The following IGF1R variants were observed in gnomAD, a reference collection of about 807,000 sequenced individuals.
IGF1R encodes insulin-like growth factor 1 receptor.
Under a neutral mutation model 144.6 loss-of-function variants are expected in IGF1R, and 44 were observed. That is an observed-to-expected ratio of 0.30 (90% CI 0.24 to 0.39). The LOEUF (loss-of-function observed/expected upper bound fraction) is 0.39, where lower values mean the gene tolerates loss of function less well. Ranked by LOEUF, IGF1R falls within the 10% of genes least tolerant of loss-of-function variation. IGF1R has a pLI of 1.00. For synonymous variants in IGF1R, 795 were observed against 722.8 expected (o/e 1.10, Z -1.60); for missense variants, 1,355 against 1,833.7 (o/e 0.74, Z 4.77).
At chr15:98,662,026 A>C (rs1181802431) in intron 1 of IGF1R, among the ~76,000 whole-genome samples, 4 of 137,100 alleles carry the variant, frequency 2.9e-5, no homozygotes, top group Non-Finnish European at 4.5e-5. Flanking sequence ...GCAGTGGTGC[A>C]ATCTCCGCTC....
At chr15:98,945,140 T>G (rs1030855138) in intron 19 of IGF1R, among the ~76,000 whole-genome samples, 1 of 152,268 alleles carries the variant, frequency 6.6e-6, no homozygotes. Context: ...GACGAAGGAC[T>G]GGGGAGCTGC....
At position 98,923,684 on chromosome 15, in the gene IGF1R, C is replaced by T. The variant is rs144412174; in HGVS notation, c.2486-192C>T. 1,302 of 599,370 alleles carry T rather than the reference C, an allele frequency of 2.2e-3. 6 individuals are homozygous for T. Among genetic ancestry groups the T allele is most frequent in the African/African-American group, 0.013 (695 of 51,532 alleles). The allele number at this position is 599,370 out of a possible 1,614,324, so 37.1% of individuals were successfully genotyped here. Reference sequence around the variant, plus strand: ...TGAACCCTCCGCTGTGTGAGCAGCCCGCTCAGGGGCAGTGTACGTGGCTGA... The same window carrying T: ...TGAACCCTCCGCTGTGTGAGCAGCCTGCTCAGGGGCAGTGTACGTGGCTGA... On this transcript the variant is annotated intron_variant, in intron 11 of 20. Coordinates refer to ENST00000650285, the MANE Select transcript of IGF1R (RefSeq NM_000875.5).
chr15:98,804,174 G>C (rs146890564), intron 2 of IGF1R, among the ~76,000 whole-genome samples: 93 of 152,308 alleles, frequency 6.1e-4, no homozygotes, highest in Non-Finnish European at 1.5e-4. Context: ...CAGTACACAT[G>C]TGTGGTCACT....
At chr15:98,713,327 C>G (rs2054039244) in intron 2 of IGF1R, among the ~76,000 whole-genome samples, 1 of 152,290 alleles carries the variant, frequency 6.6e-6, no homozygotes, top group Non-Finnish European at 1.5e-5. Flanking sequence ...ACATTTTCCC[C>G]TTGAGCAGAG....
intron 1 of IGF1R, among the ~76,000 whole-genome samples, chr15:98,697,155 C>A (rs2053614033): frequency 6.6e-6 from 1 of 152,060 alleles, no homozygotes; most frequent in Non-Finnish European, 1.5e-5. Context: ...CGTGATGGAC[C>A]CTCATAGTAA....
At chr15:98,950,447 G>C (rs2016729583) in intron 20 of IGF1R, among the ~76,000 whole-genome samples, 1 of 152,204 alleles carries the variant, frequency 6.6e-6, no homozygotes, top group Non-Finnish European at 1.5e-5. Context: ...CTGAGGCTCA[G>C]GGACATCTTC....
intron 17 of IGF1R, among the ~76,000 whole-genome samples, chr15:98,938,156 A>AC (rs1177429423): frequency 6.6e-6 from 1 of 152,226 alleles, no homozygotes; most frequent in African/African-American, 2.4e-5. Context: ...GCCACGCACC[A>AC]CTGGGCACTT....
rs531855891 is a variant in IGF1R at position 98,704,871 on chromosome 15, TGAG to T, written c.95-2689_95-2687del. 4.4e-3 allele frequency among the ~76,000 whole-genome samples: 677 copies of T among 152,212 alleles called. 6 individuals are homozygous for T. The highest frequency in any genetic ancestry group is 0.014 in the African/African-American group (577 of 41,524). ...CTCATAGGCTTGGGAGCGGAAGCCC[TGAG>T]GTCTGTTGCTGGACTAGATATGTGA... On this transcript the variant is annotated intron_variant, in intron 1 of 20. Transcript: ENST00000650285. This position sits in a 1 kb window ranked among gnomAD's most constrained non-coding sequence, Gnocchi z 4.9.
chr15:98,661,264 C>T (rs1046085182), intron 1 of IGF1R, among the ~76,000 whole-genome samples: 30 of 152,162 alleles, frequency 2.0e-4, no homozygotes, highest in African/African-American at 7.2e-4. Context: ...TCCAACCCTG[C>T]CGGTTTTGGT....
At chr15:98,942,165 A>G (rs1488130856) in intron 18 of IGF1R, among the ~76,000 whole-genome samples, 2 of 152,116 alleles carry the variant, frequency 1.3e-5, no homozygotes, top group Non-Finnish European at 2.9e-5. Context: ...AAGCAGTGAA[A>G]TTATTTACTT....
chr15:98,763,459 A>AT (rs111934203), intron 2 of IGF1R, among the ~76,000 whole-genome samples: 19,494 of 141,782 alleles, frequency 0.14, 1,544 homozygotes, highest in East Asian at 0.27. Context: ...GGGACTCCTG[A>AT]TTTTTTTTTT....
intron 1 of IGF1R, among the ~76,000 whole-genome samples, chr15:98,667,581 T>G (rs2052777017): frequency 6.6e-6 from 1 of 152,202 alleles, no homozygotes; most frequent in African/African-American, 2.4e-5. Flanking sequence ...TGGGGCTATT[T>G]TTTTCTGCTT....
intron 1 of IGF1R, among the ~76,000 whole-genome samples, chr15:98,652,758 CG>C (rs1836904480): frequency 6.6e-6 from 1 of 151,798 alleles, no homozygotes; most frequent in African/African-American, 2.4e-5. Flanking sequence ...GGGCTGGGGG[CG>C]GATGGAATGG....
chr15:98,773,449 G>A (rs11247372), intron 2 of IGF1R, among the ~76,000 whole-genome samples: 117,547 of 152,060 alleles, frequency 0.77, 46,346 homozygotes, highest in Admixed American at 0.85. Context: ...CAGACAAGGC[G>A]TTCTCAAGAA....
intron 5 of IGF1R, among the ~76,000 whole-genome samples, chr15:98,903,449 A>G (rs2014580856): frequency 6.6e-6 from 1 of 152,232 alleles, no homozygotes; most frequent in Non-Finnish European, 1.5e-5. Flanking sequence ...CTCAAAGGTC[A>G]GGCTGAAACA....
At chr15:98,877,817 C>T (rs1031260903) in intron 2 of IGF1R, among the ~76,000 whole-genome samples, 1 of 152,180 alleles carries the variant, frequency 6.6e-6, no homozygotes, top group Non-Finnish European at 1.5e-5. Flanking sequence ...TCCTGGTAAA[C>T]AGTTCTGCTG....
chr15:98,782,898 C>T (rs1174819504), intron 2 of IGF1R, among the ~76,000 whole-genome samples: 2 of 152,160 alleles, frequency 1.3e-5, no homozygotes, highest in African/African-American at 4.8e-5. Flanking sequence ...GCTAAGAAAG[C>T]AATGTGGCTT....
Position 98,744,208 on chromosome 15 carries a change from A to G in IGF1R, c.640+36101A>G, listed in dbSNP as rs148388948. 2.6e-3 allele frequency among the ~76,000 whole-genome samples: 390 copies of G among 152,192 alleles called. 2 individuals are homozygous for G. The highest frequency in any genetic ancestry group is 9.2e-3 in the African/African-American group (382 of 41,528). ...GCGTTCAAGGGCCAGGTAGAGGATCATGAGCTGTAAAGGGACCCAGGTGGC... is the reference window on the plus strand; with the variant it reads ...GCGTTCAAGGGCCAGGTAGAGGATCGTGAGCTGTAAAGGGACCCAGGTGGC... On this transcript the variant is annotated intron_variant, in intron 2 of 20. Transcript: ENST00000650285.
At chr15:98,758,202 A>T (rs2055203014) in intron 2 of IGF1R, among the ~76,000 whole-genome samples, 2 of 147,856 alleles carry the variant, frequency 1.4e-5, no homozygotes, top group African/African-American at 4.9e-5. Flanking sequence ...TTAAAATTTT[A>T]AAGTGTTTTT....
Sources: gnomAD v4.1 joint callset for allele counts (sites outside exome capture counted in the v4.1 genomes callset) on GRCh38, gnomAD v4.1.1 for gene constraint, Gnocchi (gnomAD v3.1) non-coding constraint, MANE v1.5 for transcripts, NCBI Gene and HGNC (gene_info 2026-07-23, HGNC 2026-07-21) for gene names.